ERGIC2: variants seen among roughly 807,000 people sequenced by gnomAD.
The protein encoded by ERGIC2 is endoplasmic reticulum-Golgi intermediate compartment protein 2.
Under a neutral mutation model 52.5 loss-of-function variants are expected in ERGIC2, and 31 were observed. The ratio of observed to expected loss-of-function variants is 0.59; its 90% CI spans 0.44 to 0.80. The LOEUF (loss-of-function observed/expected upper bound fraction) is 0.80. ERGIC2 is among the 30% of genes least tolerant of loss of function. The pLI, the probability that ERGIC2 is intolerant of heterozygous loss-of-function variation, is 0.00. For missense variants in ERGIC2, 395 were observed against 455.2 expected (o/e 0.87, Z 1.20); for synonymous variants, 129 against 140.6 (o/e 0.92, Z 0.58).
intron 11 of ERGIC2, among the ~76,000 whole-genome samples, chr12:29,344,217 T>C (rs946139389): frequency 2.6e-5 from 4 of 152,190 alleles, no homozygotes; most frequent in South Asian, 2.1e-4. Flanking sequence ...ATGCAACGAA[T>C]AGCCTGAAAC....
At chr12:29,370,567 A>G (rs1940427626) in intron 2 of ERGIC2, among the ~76,000 whole-genome samples, 1 of 152,030 alleles carries the variant, frequency 6.6e-6, no homozygotes. Flanking sequence ...AAATGATGAA[A>G]GTAAGCATGC....
rs757463403 is a variant in ERGIC2, at chr12:29,341,753, G to T, written c.1052C>A (p.Ser351Tyr). The T allele has an allele frequency of 6.3e-7, 1 of 1,591,866 alleles. No individual in the cohort carries two copies. The highest frequency in any genetic ancestry group is 8.6e-7 in the Non-Finnish European group (1 of 1,160,030). Residue 351 changes from serine (S) to tyrosine (Y), a missense_variant, in exon 13 of 14, where the codon TCC (serine) becomes TAC (tyrosine). Physicochemically the swap from Ser to Tyr is moderately radical, Grantham distance 144. Transcript: ENST00000360150. ...ACTTACAGAATTGACAGGTTTATAG[G>T]ATCCAAGTCTGAAACGACAGCAAAT... ...EIICCRFRLG[S>Y]YKPVNSVPFE...
chr12:29,341,793 A>C lies in ERGIC2; in HGVS notation c.1012T>G (p.Phe338Val), dbSNP rs758297322. Residue 338 changes from phenylalanine to valine, a missense_variant, in exon 13 of 14, where the codon TTT (phenylalanine) becomes GTT (valine). Coordinates refer to ENST00000360150, the MANE Select transcript of ERGIC2 (RefSeq NM_016570.3). ...TTGMLHGIGK[F>V]IVEIICCRFR... ...CGACAGCAAATTATTTCAACTATAA[A>C]TTTTCCAATTCCATGTAACATGCCT... 4.4e-6 allele frequency: 7 copies of C among 1,593,418 alleles called. No individual in the cohort carries two copies. In the South Asian group the frequency reaches 7.7e-5, roughly 18 times the overall value.
chr12:29,359,636 T>C (rs1940256091), intron 6 of ERGIC2, among the ~76,000 whole-genome samples: 3 of 152,104 alleles, frequency 2.0e-5, no homozygotes, highest in Non-Finnish European at 4.4e-5. Flanking sequence ...CATCTGTGGA[T>C]GGCTTTCTAC....
chr12:29,364,144 C>T (rs1443718558), intron 5 of ERGIC2, among the ~76,000 whole-genome samples: 3 of 152,046 alleles, frequency 2.0e-5, no homozygotes, highest in Admixed American at 2.0e-4. Flanking sequence ...AAGGGATTTT[C>T]CCAGTTCAGA....
In ERGIC2 at chr12:29,344,839, A is replaced by G. The variant is rs1039322414; in HGVS notation, c.825+604T>C. Among the ~76,000 whole-genome samples, 8 of 152,178 alleles carry G rather than the reference A, an allele frequency of 5.3e-5. No individual in the cohort carries two copies. The East Asian group carries it at 1.5e-3, about 29-fold the overall frequency. ...ACCATTCAAACACAAAAATAAGAAAACATGACCCCAAAGTAGATAAGAAAT... is the reference window on the plus strand; with the variant it reads ...ACCATTCAAACACAAAAATAAGAAAGCATGACCCCAAAGTAGATAAGAAAT... On this transcript the variant is annotated intron_variant, in intron 11 of 13. Transcript: ENST00000360150.
chr12:29,341,457 A>C (rs963534227), intron 13 of ERGIC2, among the ~76,000 whole-genome samples: 7 of 151,564 alleles, frequency 4.6e-5, no homozygotes, highest in Admixed American at 1.3e-4. Flanking sequence ...TACAACCTCA[A>C]CTTCCTGGGC....
chr12:29,377,240 A>C (rs188817719), intron 1 of ERGIC2, among the ~76,000 whole-genome samples: 1 of 152,294 alleles, frequency 6.6e-6, no homozygotes, highest in Admixed American at 6.5e-5. Flanking sequence ...TGTCTTGAAT[A>C]TTAAAAAACA....
At position 29,368,984 on chromosome 12, in the gene ERGIC2, C is replaced by T. The variant is rs568400185; in HGVS notation, c.216-697G>A. On this transcript the variant is annotated intron_variant, in intron 3 of 13. Transcript: ENST00000360150. ...TTTCGAATACCAGAATGAAGCATTGCGAATAATAGACTGGCTATGATCAAA... is the reference window on the plus strand; with the variant it reads ...TTTCGAATACCAGAATGAAGCATTGTGAATAATAGACTGGCTATGATCAAA... Among the ~76,000 whole-genome samples, 50 of 151,956 alleles carry T rather than the reference C, an allele frequency of 3.3e-4. No homozygotes were observed. In the South Asian group the frequency reaches 4.8e-3, roughly 14 times the overall value.
At chr12:29,352,388 C>T (rs1325909861) in intron 8 of ERGIC2, among the ~76,000 whole-genome samples, 1 of 152,164 alleles carries the variant, frequency 6.6e-6, no homozygotes, top group Admixed American at 6.5e-5. Context: ...CATGTCTGGG[C>T]AAGGTGGCTC....
intron 8 of ERGIC2, among the ~76,000 whole-genome samples, chr12:29,352,859 A>G (rs1424032070): frequency 6.6e-6 from 1 of 152,128 alleles, no homozygotes; most frequent in Non-Finnish European, 1.5e-5. Context: ...ACTTCTACAA[A>G]TAAGTACTAT....
At position 29,343,253 on chromosome 12, in the gene ERGIC2, G is replaced by A; in HGVS notation, c.855C>T (p.Ser285=). 1 of 1,602,750 alleles carries A rather than the reference G, an allele frequency of 6.2e-7. No homozygotes were observed. The highest frequency in any genetic ancestry group is 8.5e-7 in the Non-Finnish European group (1 of 1,173,526). The part of the protein sequence containing the change: ...RERIINHAAG[S]HGVSGIFMKY... Reference sequence around the variant, plus strand: ...TCATAAATATCCCAGAGACTCCATGGCTGCCTGCAGCATGGTTAATGATAC... The same window carrying A: ...TCATAAATATCCCAGAGACTCCATGACTGCCTGCAGCATGGTTAATGATAC... Residue 285 remains serine (S), a synonymous_variant, in exon 12 of 14, where the codon AGC becomes AGT. Coordinates refer to ENST00000360150, the MANE Select transcript of ERGIC2 (RefSeq NM_016570.3).
At chr12:29,354,338 A>G (rs1168384386) in intron 8 of ERGIC2, among the ~76,000 whole-genome samples, 1 of 152,214 alleles carries the variant, frequency 6.6e-6, no homozygotes, top group Non-Finnish European at 1.5e-5. Flanking sequence ...CATCTCATCA[A>G]CGGAAATGTC....
chr12:29,346,999 T>C (rs2136853047), intron 10 of ERGIC2, among the ~76,000 whole-genome samples: 1 of 152,204 alleles, frequency 6.6e-6, no homozygotes, highest in African/African-American at 2.4e-5. Flanking sequence ...AGTGGCAGAG[T>C]GAGAACTTGA....
intron 8 of ERGIC2, among the ~76,000 whole-genome samples, chr12:29,352,687 T>C (rs769215217): frequency 1.3e-5 from 2 of 151,830 alleles, no homozygotes; most frequent in Non-Finnish European, 2.9e-5. Flanking sequence ...AACAAATAAA[T>C]AAACAAAATT....
intron 5 of ERGIC2, among the ~76,000 whole-genome samples, chr12:29,366,654 C>T (rs1489005170): frequency 6.6e-5 from 10 of 151,676 alleles, no homozygotes; most frequent in Admixed American, 6.6e-4. Context: ...TAGACACATC[C>T]AAAATACATC....
At chr12:29,346,517 GAAT>G (rs1240336081) in intron 10 of ERGIC2, among the ~76,000 whole-genome samples, 1 of 151,932 alleles carries the variant, frequency 6.6e-6, no homozygotes, top group African/African-American at 2.4e-5. Context: ...CAGAAACTAA[GAAT>G]AAAATAAAAT....
chr12:29,352,871 C>T (rs1361546964), intron 8 of ERGIC2, among the ~76,000 whole-genome samples: 1 of 152,032 alleles, frequency 6.6e-6, no homozygotes, highest in Non-Finnish European at 1.5e-5. Flanking sequence ...AAGTACTATC[C>T]TTCCCTGTTC....
chr12:29,377,550 C>T (rs1940531219), intron 1 of ERGIC2, among the ~76,000 whole-genome samples: 1 of 152,158 alleles, frequency 6.6e-6, no homozygotes. Flanking sequence ...GTATTCAGTA[C>T]AGACACAATA....
Sources: allele counts gnomAD v4.1 joint callset (sites outside exome capture counted in the v4.1 genomes callset), GRCh38; gene constraint gnomAD v4.1.1; transcripts MANE v1.5; gene names NCBI Gene and HGNC (gene_info 2026-07-23, HGNC 2026-07-21).